FHIT: variants seen among roughly 807,000 people sequenced by gnomAD.
FHIT encodes the protein bis(5'-adenosyl)-triphosphatase.
FHIT carries 19 observed loss-of-function variants against 17.9 expected under a neutral mutation model. That is an observed-to-expected ratio of 1.06 (90% CI 0.74 to 1.56). The LOEUF is 1.56. Among genes scored for constraint, FHIT ranks in the 40% most tolerant of loss-of-function variants. FHIT has a pLI of 0.00. For missense variants in FHIT, 248 were observed against 189.2 expected (o/e 1.31, Z -1.82); for synonymous variants, 81 against 69.7 (o/e 1.16, Z -0.81).
At chr3:60,879,288 A>G (rs1294278354) in intron 3 of FHIT, among the ~76,000 whole-genome samples, 1 of 152,214 alleles carries the variant, frequency 6.6e-6, no homozygotes, top group East Asian at 1.9e-4. Context: ...TCATTCAGGC[A>G]TCCACAGTTA....
chr3:61,069,175 G>A (rs1351723310), intron 2 of FHIT, among the ~76,000 whole-genome samples: 1 of 152,146 alleles, frequency 6.6e-6, no homozygotes, highest in Non-Finnish European at 1.5e-5. Context: ...CAGAGTTCTT[G>A]AAAATGATAG....
At chr3:59,818,496 G>C (rs573120354) in intron 8 of FHIT, among the ~76,000 whole-genome samples, 1 of 151,452 alleles carries the variant, frequency 6.6e-6, no homozygotes, top group East Asian at 1.9e-4. Flanking sequence ...TTTACAGTAA[G>C]ATACACGTAA....
intron 3 of FHIT, among the ~76,000 whole-genome samples, chr3:60,897,344 T>A (rs1433124059): frequency 6.6e-6 from 1 of 152,222 alleles, no homozygotes; most frequent in Non-Finnish European, 1.5e-5. Flanking sequence ...CTCTTTAGTC[T>A]CCTCAACGTG....
chr3:60,614,825 TTTTTTGTTTTTTTTTTG>T lies in FHIT; in HGVS notation c.-17-77863_-17-77847del, dbSNP rs1559583593. ...GCAAAAGTTGTTTTTTTTTTGTTTTTTTTTTGTTTTTTTTTTGTTTTTTGAGATGGAGCCCTGCTCTG... is the reference window on the plus strand; with the variant it reads ...GCAAAAGTTGTTTTTTTTTTGTTTTTTTTTTTGAGATGGAGCCCTGCTCTG... On this transcript the variant is annotated intron_variant, in intron 4 of 9. Coordinates refer to ENST00000492590, the MANE Select transcript of FHIT (RefSeq NM_002012.4). 3.1e-3 allele frequency among the ~76,000 whole-genome samples: 260 copies of T among 85,234 alleles called. 30 individuals are homozygous for T. Among genetic ancestry groups the T allele is most frequent in the Middle Eastern group, 0.014 (3 of 208 alleles). 55.9% of individuals were successfully genotyped at this position (85,234 alleles called of 152,430 possible).
intron 3 of FHIT, among the ~76,000 whole-genome samples, chr3:61,019,225 A>G (rs1022768193): frequency 2.1e-4 from 32 of 152,344 alleles, no homozygotes; most frequent in African/African-American, 7.2e-4. Flanking sequence ...ATTATAAGCA[A>G]TATGTTATGA....
At chr3:59,947,967 T>C (rs1211754327) in intron 7 of FHIT, among the ~76,000 whole-genome samples, 1 of 152,216 alleles carries the variant, frequency 6.6e-6, no homozygotes, top group Non-Finnish European at 1.5e-5. Context: ...AGCTGTTTTG[T>C]GTATTAATAG....
At chr3:59,755,919 G>A (rs1701194236) in intron 8 of FHIT, among the ~76,000 whole-genome samples, 1 of 152,182 alleles carries the variant, frequency 6.6e-6, no homozygotes, top group South Asian at 2.1e-4. Context: ...AGTTAGGTCT[G>A]AGCTTGAACA....
At chr3:60,306,973 T>C (rs2106736535) in intron 5 of FHIT, among the ~76,000 whole-genome samples, 1 of 152,264 alleles carries the variant, frequency 6.6e-6, no homozygotes, top group East Asian at 1.9e-4. Flanking sequence ...TAGGCAAAAA[T>C]CTGACAGAAA....
At chr3:60,820,248 C>T (rs1357703834) in intron 4 of FHIT, among the ~76,000 whole-genome samples, 1 of 152,054 alleles carries the variant, frequency 6.6e-6, no homozygotes, top group South Asian at 2.1e-4. Flanking sequence ...GTAGAGGTTG[C>T]GGTTAGCTGA....
At chr3:60,087,422 A>G (rs1023098809) in intron 5 of FHIT, among the ~76,000 whole-genome samples, 1 of 152,198 alleles carries the variant, frequency 6.6e-6, no homozygotes, top group Non-Finnish European at 1.5e-5. Flanking sequence ...TCTTCTGAAA[A>G]TGTTTCCTTT....
At chr3:61,187,886 G>A (rs947976259) in intron 2 of FHIT, among the ~76,000 whole-genome samples, 9 of 152,162 alleles carry the variant, frequency 5.9e-5, no homozygotes, top group Non-Finnish European at 1.3e-4. Flanking sequence ...AAACCAATGA[G>A]AACAAAGACA....
intron 7 of FHIT, among the ~76,000 whole-genome samples, chr3:59,988,012 A>C (rs1300476622): frequency 1.3e-5 from 2 of 149,244 alleles, no homozygotes; most frequent in Non-Finnish European, 3.0e-5. Flanking sequence ...TTATGACTGT[A>C]AAAGTCCCTC....
At chr3:60,347,475 G>T (rs113909175) in intron 5 of FHIT, among the ~76,000 whole-genome samples, 316 of 152,202 alleles carry the variant, frequency 2.1e-3, no homozygotes, top group Non-Finnish European at 2.4e-3. Flanking sequence ...CTTAGCAAGT[G>T]CTGGGGGGAC....
At chr3:61,192,359 T>A (rs997262440) in intron 2 of FHIT, among the ~76,000 whole-genome samples, 2 of 152,176 alleles carry the variant, frequency 1.3e-5, no homozygotes, top group African/African-American at 4.8e-5. Flanking sequence ...TAGCAATCTG[T>A]CAATAGCTGA....
intron 5 of FHIT, among the ~76,000 whole-genome samples, chr3:60,062,300 A>G (rs1011348444): frequency 6.6e-6 from 1 of 152,164 alleles, no homozygotes; most frequent in Non-Finnish European, 1.5e-5. Flanking sequence ...AATGTATTCT[A>G]TGCTGTGGAG....
chr3:59,773,425 G>C (rs1702161909), intron 8 of FHIT, among the ~76,000 whole-genome samples: 1 of 152,188 alleles, frequency 6.6e-6, no homozygotes, highest in Admixed American at 6.5e-5. Context: ...CCTTTGTATT[G>C]TCACAAAAAT....
At chr3:60,004,469 G>T in intron 7 of FHIT, among the ~76,000 whole-genome samples, 1 of 152,088 alleles carries the variant, frequency 6.6e-6, no homozygotes, top group East Asian at 1.9e-4. Context: ...CAGCATTTAG[G>T]TTAAGCTTCA....
chr3:60,087,826 T>C (rs1703560445), intron 5 of FHIT, among the ~76,000 whole-genome samples: 1 of 152,168 alleles, frequency 6.6e-6, no homozygotes, highest in African/African-American at 2.4e-5. Flanking sequence ...CACTTTCCCT[T>C]GTCTTTTTTT....
chr3:59,910,285 ACATG>A (rs1476009429), intron 8 of FHIT, among the ~76,000 whole-genome samples: 2 of 152,234 alleles, frequency 1.3e-5, no homozygotes, highest in African/African-American at 2.4e-5. Flanking sequence ...GATAGGAGAC[ACATG>A]GTTGCATTCT....
Sources: gnomAD v4.1 joint callset for allele counts (sites outside exome capture counted in the v4.1 genomes callset) on GRCh38, gnomAD v4.1.1 for gene constraint, MANE v1.5 for transcripts, NCBI Gene and HGNC (gene_info 2026-07-23, HGNC 2026-07-21) for gene names.